The following IFT52 variants were observed in gnomAD, a reference collection of about 807,000 sequenced individuals.
IFT52 encodes the protein intraflagellar transport 52.
Under a neutral mutation model 54.4 loss-of-function variants are expected in IFT52, and 44 were observed. That is an observed-to-expected ratio of 0.81 (90% CI 0.63 to 1.04). The LOEUF (loss-of-function observed/expected upper bound fraction) is 1.04, where lower values mean the gene tolerates loss of function less well. Ranked by LOEUF, IFT52 falls within the 50% of genes least tolerant of loss-of-function variation. IFT52 has a pLI of 0.00. For missense variants in IFT52, 452 were observed against 523.6 expected (o/e 0.86, Z 1.33); for synonymous variants, 181 against 185.3 (o/e 0.98, Z 0.19).
In IFT52 at chr20:43,644,694, T is replaced by C. The variant is rs1231740224; in HGVS notation, c.1266+2070T>C. The stretch of plus-strand genomic sequence containing the variant: ...ACTCAGGAGGCTGAGGCAGGAGAAT[T>C]GCTTGAACCCGGGAGACAGAGGTTG... On this transcript the variant is annotated intron_variant, in intron 13 of 13. Transcript: ENST00000373030. Among the ~76,000 whole-genome samples the C allele has an allele frequency of 2.2e-4, 12 of 54,322 alleles. 4 individuals carry two copies. Among genetic ancestry groups the C allele is most frequent in the African/African-American group, 6.4e-4 (12 of 18,648 alleles). 35.6% of individuals were successfully genotyped at this position (54,322 alleles called of 152,430 possible).
At chr20:43,596,138 C>T (rs1981940010) in intron 2 of IFT52, among the ~76,000 whole-genome samples, 1 of 152,210 alleles carries the variant, frequency 6.6e-6, no homozygotes, top group South Asian at 2.1e-4. Flanking sequence ...GATATGTAAT[C>T]ATACAAGCTA....
chr20:43,608,384 C>T (rs1324627960), intron 6 of IFT52, among the ~76,000 whole-genome samples: 1 of 152,148 alleles, frequency 6.6e-6, no homozygotes, highest in African/African-American at 2.4e-5. Context: ...GTATCTCTTT[C>T]TTTTAATTTG....
intron 12 of IFT52, among the ~76,000 whole-genome samples, chr20:43,638,229 C>T (rs577492135): frequency 1.1e-4 from 17 of 151,620 alleles, no homozygotes; most frequent in African/African-American, 3.9e-4. Flanking sequence ...TCACTCTTGT[C>T]GCCCAGCCTT....
At chr20:43,598,927 G>A (rs1601023428) in intron 3 of IFT52, among the ~76,000 whole-genome samples, 1 of 152,156 alleles carries the variant, frequency 6.6e-6, no homozygotes, top group Admixed American at 6.5e-5. Context: ...GGCAGGCCAA[G>A]GTCTCCTGCT....
Position 43,596,458 on chromosome 20 carries a change from A to C in IFT52, c.143A>C (p.Glu48Ala). Residue 48 changes from glutamate to alanine, a missense_variant, in exon 3 of 14, where the codon GAG becomes GCG. Glu to Ala is a moderately radical substitution (Grantham distance 107). Coordinates refer to ENST00000373030, the MANE Select transcript of IFT52 (RefSeq NM_016004.5). ...IQSLKDEITS[E>A]KLNGVKLWIT... Reference sequence around the variant, plus strand: ...AGCTTAAAAGATGAAATCACATCTGAGAAGTTAAATGGAGTGAAACTGTGG... The same window carrying C: ...AGCTTAAAAGATGAAATCACATCTGCGAAGTTAAATGGAGTGAAACTGTGG... The C allele has an allele frequency of 6.2e-7, 1 of 1,603,902 alleles. No individual in the cohort carries two copies. The highest frequency in any genetic ancestry group is 8.5e-7 in the Non-Finnish European group (1 of 1,173,462).
At chr20:43,610,696 G>A (rs549298693) in intron 6 of IFT52, among the ~76,000 whole-genome samples, 7 of 150,100 alleles carry the variant, frequency 4.7e-5, no homozygotes, top group East Asian at 2.0e-4. Flanking sequence ...CCGAGATCAC[G>A]CCACCGCAAT....
intron 10 of IFT52, among the ~76,000 whole-genome samples, chr20:43,625,319 G>A (rs891411226): frequency 3.3e-5 from 5 of 152,050 alleles, no homozygotes; most frequent in African/African-American, 1.2e-4. Context: ...GACCAGCCTG[G>A]CCAACATGGC....
intron 6 of IFT52, among the ~76,000 whole-genome samples, chr20:43,612,270 G>A (rs1418834289): frequency 3.9e-5 from 6 of 152,064 alleles, no homozygotes; most frequent in Non-Finnish European, 7.4e-5. Flanking sequence ...CCACCTTGCT[G>A]GGATACTGCT....
intron 6 of IFT52, among the ~76,000 whole-genome samples, chr20:43,611,497 G>A (rs1332956830): frequency 8.5e-6 from 1 of 116,962 alleles, no homozygotes; most frequent in East Asian, 2.8e-4. Context: ...AGGCTGGAGT[G>A]CAATGGCACC....
chr20:43,591,339 C>T (rs561766962), intron 1 of IFT52, among the ~76,000 whole-genome samples: 2 of 152,308 alleles, frequency 1.3e-5, no homozygotes, highest in African/African-American at 4.8e-5. Context: ...GTCGTGGCTG[C>T]GACCCCTCGG....
At chr20:43,620,988 C>A in intron 9 of IFT52, 63 bp downstream of exon 9, 1 of 1,138,066 alleles carries the variant, frequency 8.8e-7, no homozygotes, top group Non-Finnish European at 1.3e-6. Context: ...AGTACCACTT[C>A]TCACAGCTCA....
chr20:43,607,513 G>A lies in IFT52; in HGVS notation c.485+2440G>A, dbSNP rs1356170631. Among the ~76,000 whole-genome samples, 6 of 145,888 alleles carry A rather than the reference G, an allele frequency of 4.1e-5. No homozygotes were observed. The East Asian group carries it at 6.1e-4, about 15-fold the overall frequency. ...GACGGGGTCGTGGCCGGGCAGAGGC[G>A]CTCCTCACATCCCAGACGGGGCGGC... On this transcript the variant is annotated intron_variant, in intron 6 of 13. Coordinates refer to ENST00000373030, the MANE Select transcript of IFT52 (RefSeq NM_016004.5).
intron 2 of IFT52, 146 bp downstream of exon 2, chr20:43,594,963 T>G: frequency 1.6e-6 from 1 of 625,088 alleles, no homozygotes; most frequent in Non-Finnish European, 2.8e-6. Context: ...TCTGGCGTGG[T>G]GGCTCACACC....
intron 12 of IFT52, among the ~76,000 whole-genome samples, chr20:43,640,979 T>C (rs1366074035): frequency 3.5e-5 from 5 of 143,208 alleles, no homozygotes; most frequent in African/African-American, 1.3e-4. Flanking sequence ...TGCAGTGAGC[T>C]GAAATCATGC....
chr20:43,613,515 C>G (rs1439855483), intron 6 of IFT52, among the ~76,000 whole-genome samples: 4 of 152,182 alleles, frequency 2.6e-5, no homozygotes, highest in African/African-American at 9.7e-5. Flanking sequence ...AGCACCGTGG[C>G]ACACGCCTGT....
At chr20:43,602,698 G>A (rs900926874) in intron 3 of IFT52, among the ~76,000 whole-genome samples, 1 of 147,612 alleles carries the variant, frequency 6.8e-6, no homozygotes, top group Non-Finnish European at 1.5e-5. Flanking sequence ...TAGTAGAGAC[G>A]GGGGTTTCAC....
chr20:43,633,181 TA>T (rs2145661818), intron 10 of IFT52, among the ~76,000 whole-genome samples: 1 of 151,584 alleles, frequency 6.6e-6, no homozygotes, highest in Admixed American at 6.6e-5. Context: ...CCGTCTCTAC[TA>T]AAAATACAAA....
At chr20:43,627,369 A>T (rs891782091) in intron 10 of IFT52, among the ~76,000 whole-genome samples, 3 of 152,184 alleles carry the variant, frequency 2.0e-5, no homozygotes, top group African/African-American at 7.2e-5. Flanking sequence ...TTATCATTGG[A>T]TTTAGCAACA....
At chr20:43,602,510 T>G (rs1031499083) in intron 3 of IFT52, among the ~76,000 whole-genome samples, 6 of 152,086 alleles carry the variant, frequency 3.9e-5, no homozygotes, top group Non-Finnish European at 8.8e-5. Context: ...TTTGTTTTTT[T>G]GTTGTGTTTC....
Sources: allele counts gnomAD v4.1 joint callset (sites outside exome capture counted in the v4.1 genomes callset), GRCh38; gene constraint gnomAD v4.1.1; transcripts MANE v1.5; gene names NCBI Gene and HGNC (gene_info 2026-07-23, HGNC 2026-07-21).